EPM2A: variants seen among roughly 807,000 people sequenced by gnomAD.
EPM2A encodes the protein EPM2A glucan phosphatase, laforin.
EPM2A carries 21 observed loss-of-function variants against 26.5 expected under a neutral mutation model. The observed-to-expected ratio is 0.79, with a 90% confidence interval of 0.56 to 1.14. The LOEUF is 1.14. EPM2A is among the 50% of genes most tolerant of loss of function. EPM2A has a pLI of 0.00. For synonymous variants in EPM2A, 217 were observed against 177.6 expected, an observed-to-expected ratio of 1.22 and a Z score of -1.76; for missense variants, 458 against 440.8, an observed-to-expected ratio of 1.04 and a Z score of -0.35.
intron 1 of EPM2A, among the ~76,000 whole-genome samples, chr6:145,693,217 A>T (rs1781381901): frequency 1.3e-5 from 2 of 151,858 alleles, no homozygotes; most frequent in Admixed American, 1.3e-4. Context: ...CTCAGCTTGG[A>T]TGCTGTTGGT....
intron 4 of EPM2A, among the ~76,000 whole-genome samples, chr6:145,448,614 T>A (rs1474831414): frequency 6.6e-6 from 1 of 152,180 alleles, no homozygotes; most frequent in African/African-American, 2.4e-5. Context: ...TTTGTTTGAT[T>A]GAAAATAACA....
intron 1 of EPM2A, among the ~76,000 whole-genome samples, chr6:145,710,216 C>T (rs1180552501): frequency 6.6e-6 from 1 of 152,062 alleles, no homozygotes; most frequent in Non-Finnish European, 1.5e-5. Context: ...GCAATCTACT[C>T]ATCTGACAAA....
chr6:145,589,685 A>C (rs985625660), intron 2 of EPM2A, among the ~76,000 whole-genome samples: 11 of 152,158 alleles, frequency 7.2e-5, no homozygotes, highest in Admixed American at 4.6e-4. Context: ...GATTAATAAT[A>C]TCTGGAAGAT....
chr6:145,641,878 G>A (rs1486652596), intron 2 of EPM2A, among the ~76,000 whole-genome samples: 1 of 152,034 alleles, frequency 6.6e-6, no homozygotes, highest in East Asian at 1.9e-4. Context: ...GAAGTTCTGG[G>A]GTGTCTAGGT....
chr6:145,566,076 G>C (rs1780881057), intron 2 of EPM2A, among the ~76,000 whole-genome samples: 1 of 152,126 alleles, frequency 6.6e-6, no homozygotes, highest in African/African-American at 2.4e-5. Flanking sequence ...CTCTTCTTAG[G>C]TGAATGATTT....
intron 4 of EPM2A, among the ~76,000 whole-genome samples, chr6:145,407,555 A>G (rs1778585996): frequency 6.6e-6 from 1 of 152,176 alleles, no homozygotes; most frequent in African/African-American, 2.4e-5. Context: ...CAGCTTTCCT[A>G]TAATTGTGAG....
intron 2 of EPM2A, among the ~76,000 whole-genome samples, chr6:145,515,265 G>A (rs1780110146): frequency 6.6e-6 from 1 of 152,142 alleles, no homozygotes; most frequent in Admixed American, 6.5e-5. Flanking sequence ...CAATGGTGAT[G>A]CCTAAGATCA....
chr6:145,717,452 T>C (rs937472536), intron 1 of EPM2A, among the ~76,000 whole-genome samples: 1 of 152,154 alleles, frequency 6.6e-6, no homozygotes, highest in Non-Finnish European at 1.5e-5. Flanking sequence ...AAATTAGGTA[T>C]TGATGGGACG....
intron 1 of EPM2A, chr6:145,722,714 T>C (rs137861848): frequency 2.7e-5 from 12 of 444,824 alleles, no homozygotes; most frequent in Non-Finnish European, 4.0e-5. Context: ...TATTTGAAGA[T>C]AGGATGTTTA....
intron 3 of EPM2A, chr6:145,627,944 G>A: frequency 1.8e-6 from 1 of 545,440 alleles, no homozygotes. Flanking sequence ...TGCTCCTTTG[G>A]GTGACTTCGC....
chr6:145,395,516 G>GA (rs992597752), intron 4 of EPM2A, among the ~76,000 whole-genome samples: 18 of 152,050 alleles, frequency 1.2e-4, no homozygotes, highest in African/African-American at 3.6e-4. Context: ...TAAATCTACT[G>GA]AAAAAACAAC....
chr6:145,390,414 AC>A (rs1778322033), intron 4 of EPM2A, among the ~76,000 whole-genome samples: 1 of 151,818 alleles, frequency 6.6e-6, no homozygotes, highest in South Asian at 2.1e-4. Flanking sequence ...GATGTAAGGT[AC>A]CCTTCATGGC....
chr6:145,577,104 T>C (rs1439587822), intron 2 of EPM2A, among the ~76,000 whole-genome samples: 1 of 150,578 alleles, frequency 6.6e-6, no homozygotes, highest in Non-Finnish European at 1.5e-5. Flanking sequence ...CAAATAAAGA[T>C]AGCAAGAAAG....
chr6:145,681,690 A>G (rs1053995755), intron 2 of EPM2A, among the ~76,000 whole-genome samples: 1 of 151,920 alleles, frequency 6.6e-6, no homozygotes, highest in African/African-American at 2.4e-5. Flanking sequence ...TTTGTTAAAG[A>G]TCAGATAGTT....
chr6:145,657,215 G>A (rs567288400), intron 2 of EPM2A, among the ~76,000 whole-genome samples: 3 of 149,890 alleles, frequency 2.0e-5, no homozygotes, highest in South Asian at 2.2e-4. Flanking sequence ...TCAGCCTCCC[G>A]AGTAGCTGGG....
downstream of EPM2A, among the ~76,000 whole-genome samples, chr6:145,624,214 A>G (rs1775697951): frequency 6.6e-6 from 1 of 152,104 alleles, no homozygotes; most frequent in African/African-American, 2.4e-5. Flanking sequence ...ACTGCGATCT[A>G]GTCCCACAGA....
At chr6:145,542,434 G>A (rs1280934663) in intron 2 of EPM2A, among the ~76,000 whole-genome samples, 1 of 152,212 alleles carries the variant, frequency 6.6e-6, no homozygotes, top group Non-Finnish European at 1.5e-5. Flanking sequence ...TGACTGAAGT[G>A]TCCTTCAAGA....
chr6:145,731,041 TG>T (rs1178949234), intron 1 of EPM2A, among the ~76,000 whole-genome samples: 1 of 151,794 alleles, frequency 6.6e-6, no homozygotes, highest in African/African-American at 2.4e-5. Flanking sequence ...ACAAATCCTG[TG>T]ATGTCTACAG....
At chr6:145,710,448 G>A (rs539782955) in intron 1 of EPM2A, among the ~76,000 whole-genome samples, 283 of 152,204 alleles carry the variant, frequency 1.9e-3, no homozygotes, top group Middle Eastern at 6.8e-3. Flanking sequence ...TTACAATGGC[G>A]ATCATTAAAA....
Sources: gnomAD v4.1 joint callset for allele counts (sites outside exome capture counted in the v4.1 genomes callset) on GRCh38, gnomAD v4.1.1 for gene constraint, MANE v1.5 for transcripts, NCBI Gene and HGNC (gene_info 2026-07-23, HGNC 2026-07-21) for gene names.